EYS: variants seen among roughly 807,000 people sequenced by gnomAD.
EYS encodes the protein EGF-like photoreceptor maintenance factor.
EYS carries 250 observed loss-of-function variants against 282.1 expected under a neutral mutation model. That is an observed-to-expected ratio of 0.89 (90% confidence interval 0.80 to 0.98). EYS has a LOEUF of 0.98. Among genes scored for constraint, EYS ranks in the 50% least tolerant of loss-of-function variants. The probability of loss-of-function intolerance (pLI) is 0.00; values close to 1 mark genes in which losing one functional copy is unlikely to be tolerated. For synonymous variants in EYS, 1,355 were observed against 1,282.9 expected, an observed-to-expected ratio of 1.06 and a Z score of -1.20; for missense variants, 4,016 against 3,709.0, an observed-to-expected ratio of 1.08 and a Z score of -2.15.
chr6:64,278,175 C>T (rs941749724), intron 30 of EYS, among the ~76,000 whole-genome samples: 1 of 152,116 alleles, frequency 6.6e-6, no homozygotes, highest in South Asian at 2.1e-4. Flanking sequence ...TTAAACAGAA[C>T]CTGAATGACC....
chr6:64,368,454 A>G lies in EYS; in HGVS notation c.6078+20236T>C, dbSNP rs150596100. 9.9e-5 allele frequency among the ~76,000 whole-genome samples: 15 copies of G among 152,276 alleles called. No homozygotes were observed. The East Asian group carries it at 2.1e-3, about 22-fold the overall frequency. On this transcript the variant is annotated intron_variant, in intron 29 of 42. Transcript: ENST00000503581. ...TGATTTATATTCTTCTAGGAATCCA[A>G]TAATGGGATTGCTTGTTGAATGGTA... is the stretch of plus-strand genomic sequence containing the variant.
At chr6:64,661,337 C>T (rs1193723003) in intron 22 of EYS, among the ~76,000 whole-genome samples, 1 of 152,092 alleles carries the variant, frequency 6.6e-6, no homozygotes, top group Non-Finnish European at 1.5e-5. Flanking sequence ...GCAAGGACTT[C>T]ATATGTAAAA....
At chr6:65,656,564 A>C (rs1334238994) in intron 1 of EYS, among the ~76,000 whole-genome samples, 1 of 151,932 alleles carries the variant, frequency 6.6e-6, no homozygotes, top group Non-Finnish European at 1.5e-5. Flanking sequence ...ACGTGAAGAC[A>C]GAGAGATGAG....
At chr6:63,751,405 A>C (rs1769337119) in intron 41 of EYS, among the ~76,000 whole-genome samples, 2 of 152,208 alleles carry the variant, frequency 1.3e-5, no homozygotes, top group Admixed American at 1.3e-4. Context: ...AGAATAATTT[A>C]AGACTTTTTG....
At chr6:64,935,740 C>T (rs1349315738) in intron 15 of EYS, among the ~76,000 whole-genome samples, 2 of 151,604 alleles carry the variant, frequency 1.3e-5, no homozygotes, top group African/African-American at 4.8e-5. Flanking sequence ...AAAGGTAAAA[C>T]CACGGAAAGT....
intron 11 of EYS, among the ~76,000 whole-genome samples, chr6:65,309,151 G>T (rs1302434755): frequency 6.6e-6 from 1 of 152,200 alleles, no homozygotes; most frequent in South Asian, 2.1e-4. Flanking sequence ...TAGCTGATGA[G>T]ATATTCTTTC....
chr6:65,222,927 A>C (rs1201177471), intron 12 of EYS, among the ~76,000 whole-genome samples: 1 of 152,174 alleles, frequency 6.6e-6, no homozygotes, highest in Non-Finnish European at 1.5e-5. Flanking sequence ...AATAAGGATG[A>C]AGAAGAAGTA....
chr6:65,531,284 C>A (rs187911119), intron 2 of EYS, among the ~76,000 whole-genome samples: 22 of 152,168 alleles, frequency 1.4e-4, no homozygotes, highest in South Asian at 8.3e-4. Flanking sequence ...AGAGGCAATA[C>A]CTATGTTAAC....
intron 2 of EYS, among the ~76,000 whole-genome samples, chr6:65,590,811 T>G (rs1326914122): frequency 2.1e-5 from 3 of 140,394 alleles, no homozygotes; most frequent in African/African-American, 8.7e-5. Flanking sequence ...AATTTTAATG[T>G]TTTTTTTTTA....
intron 5 of EYS, among the ~76,000 whole-genome samples, chr6:65,418,879 G>C (rs1299871709): frequency 6.6e-6 from 1 of 151,906 alleles, no homozygotes; most frequent in Non-Finnish European, 1.5e-5. Context: ...ATGGTCTCAA[G>C]CCACAATAAG....
In EYS at chr6:64,147,287, T is replaced by C. The variant is rs148812664; in HGVS notation, c.6425-65285A>G. 4.3e-3 allele frequency among the ~76,000 whole-genome samples: 660 copies of C among 152,296 alleles called. 2 individuals are homozygous for C. Among genetic ancestry groups the C allele is most frequent in the South Asian group, 7.9e-3 (38 of 4,828 alleles). On this transcript the variant is annotated intron_variant, in intron 31 of 42. Transcript: ENST00000503581. ...AAATCACTAATTCACATGGACCTAT[T>C]GAACACCCTGTTTTAGAAGGTGTAA...
chr6:64,147,358 T>C (rs139000336), intron 31 of EYS, among the ~76,000 whole-genome samples: 61 of 152,276 alleles, frequency 4.0e-4, no homozygotes, highest in Middle Eastern at 3.4e-3. Flanking sequence ...TAAAATGTAG[T>C]TACCAATATC....
chr6:63,975,604 C>A (rs945022443), intron 35 of EYS, among the ~76,000 whole-genome samples: 5 of 151,972 alleles, frequency 3.3e-5, no homozygotes, highest in Non-Finnish European at 7.4e-5. Context: ...ACAACCTTTT[C>A]TTGTTAAACA....
intron 12 of EYS, among the ~76,000 whole-genome samples, chr6:65,115,966 A>ATCTATCT (rs1554154790): frequency 2.8e-4 from 40 of 144,854 alleles, no homozygotes; most frequent in African/African-American, 9.4e-4. Flanking sequence ...CTGTCTATCT[A>ATCTATCT]ATCTATCTAT....
chr6:65,528,205 C>T (rs955684462), intron 2 of EYS, among the ~76,000 whole-genome samples: 1 of 152,160 alleles, frequency 6.6e-6, no homozygotes, highest in African/African-American at 2.4e-5. Context: ...GGAATTCTCT[C>T]CTCACAAACT....
chr6:64,516,152 G>A (rs548420306), intron 26 of EYS, among the ~76,000 whole-genome samples: 1 of 151,784 alleles, frequency 6.6e-6, no homozygotes, highest in East Asian at 1.9e-4. Flanking sequence ...AACACACACT[G>A]GACCTTTTTT....
In EYS at chr6:64,486,242, C is replaced by T. The variant is rs866168838; in HGVS notation, c.5645-46890G>A. 1.4e-4 allele frequency among the ~76,000 whole-genome samples: 21 copies of T among 151,306 alleles called. No homozygotes were observed. The South Asian group carries it at 2.9e-3, about 21-fold the overall frequency. On this transcript the variant is annotated intron_variant, in intron 26 of 42. Transcript: ENST00000503581. ...GAATACAGTTATTTCTGTGGCTTTG[C>T]AAAATGACATATCACAATCAATTCC...
At chr6:63,981,319 T>TACAGGCAC (rs1267610618) in intron 35 of EYS, among the ~76,000 whole-genome samples, 15 of 151,820 alleles carry the variant, frequency 9.9e-5, no homozygotes, top group Non-Finnish European at 1.9e-4. Flanking sequence ...CTCTGTTTTC[T>TACAGGCAC]TGTATTAAAC....
rs1482453 is a variant in EYS, at chr6:63,861,629, C to T, written c.7228+2557G>A. Among the ~76,000 whole-genome samples the T allele has an allele frequency of 4.3e-3, 647 of 152,194 alleles. 1 individual carries two copies. Among genetic ancestry groups the T allele is most frequent in the Admixed American group, 7.5e-3 (114 of 15,274 alleles). On this transcript the variant is annotated intron_variant, in intron 36 of 42. Transcript: ENST00000503581. Reference sequence around the variant, plus strand: ...CTATAGACTGAGTGTTTATGTGCCCCCTAGAATCACATGTTAAAACCTAAC... The same window carrying T: ...CTATAGACTGAGTGTTTATGTGCCCTCTAGAATCACATGTTAAAACCTAAC...
Sources: allele counts gnomAD v4.1 joint callset (sites outside exome capture counted in the v4.1 genomes callset), GRCh38; gene constraint gnomAD v4.1.1; transcripts MANE v1.5; gene names NCBI Gene and HGNC (gene_info 2026-07-23, HGNC 2026-07-21).